VWC2L: variants seen among roughly 807,000 people sequenced by gnomAD.
The protein encoded by VWC2L is von Willebrand factor C domain containing 2 like, also known as von Willebrand factor C domain-containing protein 2-like.
Under a neutral mutation model 21.6 loss-of-function variants are expected in VWC2L, and 10 were observed. That is an observed-to-expected ratio of 0.46 (90% CI 0.29 to 0.78). The LOEUF (loss-of-function observed/expected upper bound fraction) is 0.78, where lower values mean the gene tolerates loss of function less well. Ranked by LOEUF, VWC2L falls within the 30% of genes least tolerant of loss-of-function variation. VWC2L has a pLI of 0.10. For missense variants in VWC2L, 209 were observed against 277.1 expected, an observed-to-expected ratio of 0.75 and a Z score of 1.74; for synonymous variants, 96 against 94.3, an observed-to-expected ratio of 1.02 and a Z score of -0.10.
intron 2 of VWC2L, among the ~76,000 whole-genome samples, chr2:214,423,906 AT>A (rs59310558): frequency 6.7e-6 from 1 of 149,222 alleles, no homozygotes. Flanking sequence ...ATGAGGACCC[AT>A]TTTTTTTTTC....
At chr2:214,448,584 C>A (rs151289074) in intron 3 of VWC2L, among the ~76,000 whole-genome samples, 2 of 152,270 alleles carry the variant, frequency 1.3e-5, no homozygotes, top group African/African-American at 4.8e-5. Context: ...CTAGCTTGAA[C>A]TTTTACTGTT....
chr2:214,488,535 G>T (rs1688702830), intron 3 of VWC2L, among the ~76,000 whole-genome samples: 1 of 152,126 alleles, frequency 6.6e-6, no homozygotes, highest in Non-Finnish European at 1.5e-5. Flanking sequence ...GGAGGTCAAG[G>T]CTGCATGAGC....
chr2:214,463,001 A>G (rs1423109929), intron 3 of VWC2L, among the ~76,000 whole-genome samples: 1 of 152,176 alleles, frequency 6.6e-6, no homozygotes, highest in Non-Finnish European at 1.5e-5. Context: ...TTATAACTCA[A>G]ATTTTTACAT....
Position 214,424,135 on chromosome 2 carries a change from T to G in VWC2L, c.390+9552T>G, listed in dbSNP as rs187605008. Among the ~76,000 whole-genome samples, 607 of 152,296 alleles carry G rather than the reference T, an allele frequency of 4.0e-3. 3 individuals are homozygous for G. Among genetic ancestry groups the G allele is most frequent in the South Asian group, 6.6e-3 (32 of 4,826 alleles). ...TTCCAATTTACATCATTTAAATCTA[T>G]GTTATTCTAAAGTTTCTCAGATTAT... On this transcript the variant is annotated intron_variant, in intron 2 of 3. Transcript: ENST00000312504.
chr2:214,454,474 G>T (rs955734133), intron 3 of VWC2L, among the ~76,000 whole-genome samples: 1 of 147,982 alleles, frequency 6.8e-6, no homozygotes, highest in East Asian at 2.0e-4. Context: ...GATTTTGTGT[G>T]GGTTTTTTTT....
intron 3 of VWC2L, among the ~76,000 whole-genome samples, chr2:214,531,284 A>G (rs1479518275): frequency 6.6e-6 from 1 of 152,148 alleles, no homozygotes; most frequent in Non-Finnish European, 1.5e-5. Context: ...TCGTGTGTGG[A>G]CTGTGTTAGT....
chr2:214,550,730 A>G (rs1689780785), intron 3 of VWC2L, among the ~76,000 whole-genome samples: 1 of 152,190 alleles, frequency 6.6e-6, no homozygotes, highest in Non-Finnish European at 1.5e-5. Flanking sequence ...TTGCCTGGAC[A>G]ATCACAATAG....
chr2:214,451,160 T>C (rs1298014580), intron 3 of VWC2L, among the ~76,000 whole-genome samples: 2 of 151,932 alleles, frequency 1.3e-5, no homozygotes, highest in Admixed American at 1.3e-4. Context: ...ATCAGAAAAT[T>C]TGGGACTGGG....
At chr2:214,516,162 T>C (rs935662815) in intron 3 of VWC2L, among the ~76,000 whole-genome samples, 2 of 152,030 alleles carry the variant, frequency 1.3e-5, no homozygotes, top group Non-Finnish European at 2.9e-5. Context: ...GGGGAGTATT[T>C]ACACCACCAC....
chr2:214,541,234 A>G (rs1228760941), intron 3 of VWC2L, among the ~76,000 whole-genome samples: 1 of 151,902 alleles, frequency 6.6e-6, no homozygotes, highest in Non-Finnish European at 1.5e-5. Context: ...TTTATTCTTC[A>G]TCCCTTTTAA....
intron 3 of VWC2L, among the ~76,000 whole-genome samples, chr2:214,571,404 C>T (rs757605431): frequency 1.3e-5 from 2 of 152,118 alleles, no homozygotes; most frequent in Non-Finnish European, 2.9e-5. Context: ...AATAATTAAA[C>T]GAGACAAATT....
At chr2:214,525,823 T>C (rs759387825) in intron 3 of VWC2L, among the ~76,000 whole-genome samples, 6 of 152,206 alleles carry the variant, frequency 3.9e-5, no homozygotes, top group African/African-American at 1.4e-4. Context: ...GTTAAACCTT[T>C]GGCCCTGAAA....
rs966129551 is a variant in VWC2L at position 214,577,198 on chromosome 2, G to A, written c.*1378G>A. ...ACAGATCTGATAGGGTCCTTGAAGA[G>A]ACTTTACAGTTGTCTTTATTATCAA... On this transcript the variant is annotated 3_prime_UTR_variant, in exon 4 of 4. Transcript: ENST00000312504. 1 of 152,178 alleles carries A rather than the reference G, an allele frequency of 6.6e-6. No individual in the cohort carries two copies. Among genetic ancestry groups the A allele is most frequent in the Non-Finnish European group, 1.5e-5 (1 of 68,050 alleles). The allele number at this position is 152,178 out of a possible 1,614,324, so 9.4% of individuals were successfully genotyped here. A position where few individuals can be genotyped will look rare whatever the true frequency, so the allele number is the denominator to read the frequency against.
At chr2:214,548,934 A>G (rs558590085) in intron 3 of VWC2L, among the ~76,000 whole-genome samples, 1 of 152,324 alleles carries the variant, frequency 6.6e-6, no homozygotes, top group South Asian at 2.1e-4. Flanking sequence ...TAATCACTTA[A>G]AAGAAAACAC....
intron 3 of VWC2L, among the ~76,000 whole-genome samples, chr2:214,560,750 G>C (rs996264950): frequency 6.6e-6 from 1 of 152,054 alleles, no homozygotes; most frequent in African/African-American, 2.4e-5. Context: ...ACCCAAAATG[G>C]TTCCGAATGC....
intron 3 of VWC2L, among the ~76,000 whole-genome samples, chr2:214,519,640 A>C (rs1188948259): frequency 6.6e-6 from 1 of 152,226 alleles, no homozygotes. Context: ...TTCTCAGAGT[A>C]TTAGTAGCCT....
intron 2 of VWC2L, 24 bp downstream of exon 2, chr2:214,414,607 T>C: frequency 6.3e-7 from 1 of 1,598,432 alleles, no homozygotes; most frequent in Non-Finnish European, 8.5e-7. Context: ...TCCATATTTA[T>C]TGAAATATCA....
At chr2:214,479,720 G>A (rs142179634) in intron 3 of VWC2L, among the ~76,000 whole-genome samples, 268 of 152,270 alleles carry the variant, frequency 1.8e-3, no homozygotes, top group African/African-American at 6.0e-3. Context: ...TAGGAGAATC[G>A]CTTGAATCCG....
At chr2:214,553,413 C>T (rs758922328) in intron 3 of VWC2L, among the ~76,000 whole-genome samples, 22 of 152,056 alleles carry the variant, frequency 1.4e-4, no homozygotes, top group Non-Finnish European at 2.4e-4. Flanking sequence ...TGGGTTTGGT[C>T]CAGAAAGGTG....
Sources: gnomAD v4.1 joint callset for allele counts (sites outside exome capture counted in the v4.1 genomes callset) on GRCh38, gnomAD v4.1.1 for gene constraint, MANE v1.5 for transcripts, NCBI Gene and HGNC (gene_info 2026-07-23, HGNC 2026-07-21) for gene names.